The following FNDC3B variants were observed in gnomAD, a reference collection of about 807,000 sequenced individuals.
FNDC3B encodes the protein fibronectin type III domain containing 3B.
Under a neutral mutation model 151.5 loss-of-function variants are expected in FNDC3B, and 12 were observed. The observed-to-expected ratio is 0.08, with a 90% confidence interval of 0.05 to 0.13. FNDC3B has a LOEUF of 0.13. Among genes scored for constraint, FNDC3B ranks in the 10% least tolerant of loss-of-function variants. FNDC3B has a pLI of 1.00. For synonymous variants in FNDC3B, 528 were observed against 549.0 expected, an observed-to-expected ratio of 0.96 and a Z score of 0.54; for missense variants, 1,214 against 1,505.3, an observed-to-expected ratio of 0.81 and a Z score of 3.20.
At chr3:172,374,445 G>A (rs757257522) in intron 23 of FNDC3B, among the ~76,000 whole-genome samples, 16 of 152,038 alleles carry the variant, frequency 1.1e-4, no homozygotes, top group Admixed American at 3.3e-4. Context: ...TGCCCAGGCC[G>A]GAGTACAGTG....
intron 1 of FNDC3B, among the ~76,000 whole-genome samples, chr3:172,059,333 C>T (rs1240352618): frequency 6.6e-6 from 1 of 152,124 alleles, no homozygotes; most frequent in African/African-American, 2.4e-5. Flanking sequence ...ATCCATACAC[C>T]TTCCCAGTGG....
intron 20 of FNDC3B, 146 bp from the exon 21 acceptor site, chr3:172,347,066 T>C: frequency 1.4e-6 from 1 of 701,008 alleles, no homozygotes. Context: ...TAGGTATATA[T>C]ATTTGTGATC....
chr3:172,086,631 A>G (rs1386223425), intron 1 of FNDC3B, among the ~76,000 whole-genome samples: 1 of 152,254 alleles, frequency 6.6e-6, no homozygotes, highest in Non-Finnish European at 1.5e-5. Context: ...TCTTATTTTC[A>G]TATAATCTTT....
At chr3:172,372,623 C>G (rs576376847) in intron 23 of FNDC3B, among the ~76,000 whole-genome samples, 3 of 152,144 alleles carry the variant, frequency 2.0e-5, no homozygotes, top group Admixed American at 6.5e-5. Context: ...CAGAACATCA[C>G]AGATTTAGAT....
In FNDC3B at chr3:172,226,338, C is replaced by T. The variant is rs116567684; in HGVS notation, c.188-533C>T. ...AAAAAAAAAAATGTATTCTTTCCCC[C>T]TGCCTTATTCAGTTGGTTTGGAATA... On this transcript the variant is annotated intron_variant, in intron 3 of 25. Transcript: ENST00000415807. Among the ~76,000 whole-genome samples, 939 of 151,876 alleles carry T rather than the reference C, an allele frequency of 6.2e-3. 5 individuals are homozygous for T. Among genetic ancestry groups the T allele is most frequent in the Non-Finnish European group, 9.3e-3 (635 of 67,964 alleles).
At chr3:172,266,408 A>G (rs148213470) in intron 6 of FNDC3B, among the ~76,000 whole-genome samples, 1 of 152,334 alleles carries the variant, frequency 6.6e-6, no homozygotes, top group East Asian at 1.9e-4. Flanking sequence ...TCCTGGGTTC[A>G]CAGCATTCTG....
chr3:172,315,977 T>C (rs1731762893), intron 11 of FNDC3B, among the ~76,000 whole-genome samples: 1 of 150,650 alleles, frequency 6.6e-6, no homozygotes, highest in Non-Finnish European at 1.5e-5. Context: ...GCATTGCTTC[T>C]CTTTTCCTTC....
At chr3:172,134,438 T>C (rs1721261779) in intron 3 of FNDC3B, 1 of 514,270 alleles carries the variant, frequency 1.9e-6, no homozygotes, top group African/African-American at 1.9e-5. Flanking sequence ...GGCATGCAAT[T>C]GAGATCAGTA....
chr3:172,094,411 C>A (rs1320063960), intron 1 of FNDC3B, among the ~76,000 whole-genome samples: 2 of 152,182 alleles, frequency 1.3e-5, no homozygotes, highest in African/African-American at 4.8e-5. Flanking sequence ...CATTATGTGG[C>A]CTTCTCTAAC....
At chr3:172,209,957 C>A (rs771121659) in intron 3 of FNDC3B, among the ~76,000 whole-genome samples, 2 of 152,246 alleles carry the variant, frequency 1.3e-5, no homozygotes, top group Non-Finnish European at 2.9e-5. Flanking sequence ...ATCCGGCTGG[C>A]TCGCAACAGT....
At chr3:172,056,588 T>G (rs1448953463) in intron 1 of FNDC3B, among the ~76,000 whole-genome samples, 1 of 152,240 alleles carries the variant, frequency 6.6e-6, no homozygotes, top group Non-Finnish European at 1.5e-5. Context: ...TCTCAGTGTC[T>G]TAGCACTCTC....
intron 4 of FNDC3B, 64 bp downstream of exon 4, chr3:172,227,011 G>A (rs1726622859): frequency 8.9e-7 from 1 of 1,122,786 alleles, no homozygotes; most frequent in South Asian, 1.2e-5. Context: ...CAGAATATAT[G>A]TTGAGGCTTC....
Position 172,066,855 on chromosome 3 carries a change from C to T in FNDC3B, c.-29+27084C>T, listed in dbSNP as rs1474613073. 2.6e-5 allele frequency among the ~76,000 whole-genome samples: 4 copies of T among 152,238 alleles called. No individual in the cohort carries two copies. The East Asian group carries it at 5.8e-4, about 22-fold the overall frequency. On this transcript the variant is annotated intron_variant, in intron 1 of 25. Coordinates refer to ENST00000415807, the MANE Select transcript of FNDC3B (RefSeq NM_022763.4). The stretch of plus-strand genomic sequence containing the variant: ...ATTATTATACTTTTAATTGGTTGCA[C>T]GAGTGTGTGAACATAGGCAGCTCTT...
At chr3:172,109,402 G>A (rs984545506) in intron 1 of FNDC3B, among the ~76,000 whole-genome samples, 7 of 151,832 alleles carry the variant, frequency 4.6e-5, no homozygotes, top group Non-Finnish European at 8.8e-5. Flanking sequence ...TCCTGACCTC[G>A]TGATCCGCCC....
In FNDC3B at chr3:172,329,058, G is replaced by A. The variant is rs148307624; in HGVS notation, c.1361G>A (p.Arg454Gln). ...AMGYTFRLAA[R>Q]NDIGTSGYSQ... ...GGGTACACATTCAGGCTGGCCGCTC[G>A]AAACGACATTGGTACCAGGTATGAC... Residue 454 changes from arginine (R) to glutamine (Q), a missense_variant, in exon 12 of 26, where the codon CGA becomes CAA. Physicochemically the swap from Arg to Gln is conservative, Grantham distance 43. This residue lies in a region of FNDC3B where 156 missense variants were observed against 225.3 expected (regional missense o/e 0.69). Coordinates refer to ENST00000415807, the MANE Select transcript of FNDC3B (RefSeq NM_022763.4). The A allele has an allele frequency of 9.2e-5, 149 of 1,613,428 alleles. 1 individual carries two copies. The African/African-American group carries it at 1.4e-3, about 15-fold the overall frequency.
At chr3:172,162,501 C>T (rs76294072) in intron 3 of FNDC3B, among the ~76,000 whole-genome samples, 2 of 152,136 alleles carry the variant, frequency 1.3e-5, no homozygotes, top group Non-Finnish European at 2.9e-5. Flanking sequence ...TGGGTATATA[C>T]CTAGGAGTGG....
chr3:172,113,591 T>A lies in FNDC3B; in HGVS notation c.111+1001T>A, dbSNP rs111261382. Among the ~76,000 whole-genome samples, 103 of 152,342 alleles carry A rather than the reference T, an allele frequency of 6.8e-4. 1 individual carries two copies. The highest frequency in any genetic ancestry group is 2.4e-3 in the African/African-American group (99 of 41,574). On this transcript the variant is annotated intron_variant, in intron 2 of 25. Transcript: ENST00000415807. ...ATGTTTGTTAGTTGAATGCATTTCATGTCTTCTCACCACTGATGCAGATAA... is the reference window on the plus strand; with the variant it reads ...ATGTTTGTTAGTTGAATGCATTTCAAGTCTTCTCACCACTGATGCAGATAA...
intron 6 of FNDC3B, among the ~76,000 whole-genome samples, chr3:172,281,213 TTATATTTATTTA>T (rs1213960490): frequency 9.3e-4 from 97 of 104,262 alleles, no homozygotes; most frequent in African/African-American, 2.9e-3. Flanking sequence ...TTATTATTAT[TTATATTTATTTA>T]TTTATTTATT....
At chr3:172,317,482 C>T (rs1731864454) in intron 11 of FNDC3B, among the ~76,000 whole-genome samples, 1 of 152,146 alleles carries the variant, frequency 6.6e-6, no homozygotes, top group South Asian at 2.1e-4. Context: ...CCACGCCCGG[C>T]CGGGGATTAA....
Sources: allele counts gnomAD v4.1 joint callset (sites outside exome capture counted in the v4.1 genomes callset), GRCh38; gene constraint gnomAD v4.1.1; regional missense constraint gnomAD v4.1.1; transcripts MANE v1.5; gene names NCBI Gene and HGNC (gene_info 2026-07-23, HGNC 2026-07-21).